ZNF676: variants seen among roughly 807,000 people sequenced by gnomAD.
ZNF676 encodes zinc finger protein 676.
ZNF676 carries 4 observed loss-of-function variants against 6.0 expected under a neutral mutation model. The observed-to-expected ratio is 0.67, with a 90% CI of 0.33 to 1.53. The LOEUF (loss-of-function observed/expected upper bound fraction) is 1.53. ZNF676 is among the 40% of genes most tolerant of loss of function. The probability of loss-of-function intolerance (pLI) is 0.06; values close to 1 mark genes in which losing one functional copy is unlikely to be tolerated. For synonymous variants in ZNF676, 198 were observed against 223.1 expected (o/e 0.89, Z 1.00); for missense variants, 644 against 679.7 (o/e 0.95, Z 0.58).
At chr19:22,217,123 A>G (rs2024200170), upstream of ZNF676, among the ~76,000 whole-genome samples, 1 of 152,012 alleles carries the variant, frequency 6.6e-6, no homozygotes, top group African/African-American at 2.4e-5. Context: ...ACTCTACCCA[A>G]TGTGTAGTCT....
At chr19:22,242,144 G>C in the ZNF676 span, among the ~76,000 whole-genome samples, 1 of 151,926 alleles carries the variant, frequency 6.6e-6, no homozygotes, top group Admixed American at 6.5e-5. Flanking sequence ...TGGTATGAGA[G>C]TTATTATTGC....
chr19:22,202,450 G>A (rs1223388350), intron 1 of ZNF676, among the ~76,000 whole-genome samples: 1 of 152,138 alleles, frequency 6.6e-6, no homozygotes, highest in Non-Finnish European at 1.5e-5. Context: ...GAATGGACTG[G>A]AAGCCTGAGT....
At chr19:22,215,960 C>T (rs1377386416), upstream of ZNF676, among the ~76,000 whole-genome samples, 6 of 152,210 alleles carry the variant, frequency 3.9e-5, no homozygotes, top group Non-Finnish European at 8.8e-5. Context: ...CCTTTTCAGG[C>T]AGGGCTTCCT....
chr19:22,246,023 C>T, the ZNF676 span, among the ~76,000 whole-genome samples: 1,101 of 152,226 alleles, frequency 7.2e-3, 8 homozygotes, highest in Non-Finnish European at 0.013. Flanking sequence ...CTCAGCCATA[C>T]GTCACAGTAC....
chr19:22,218,154 A>G (rs201281747), upstream of ZNF676, among the ~76,000 whole-genome samples: 5 of 151,934 alleles, frequency 3.3e-5, no homozygotes, highest in East Asian at 7.8e-4. Context: ...TTTAAGTCCC[A>G]TCTGTCTTTG....
At chr19:22,183,970 G>T (rs2023796386) in intron 2 of ZNF676, among the ~76,000 whole-genome samples, 1 of 152,170 alleles carries the variant, frequency 6.6e-6, no homozygotes, top group South Asian at 2.1e-4. Context: ...AGCAAATATT[G>T]ATAGAATAGA....
chr19:22,197,103 A>T (rs1469241099), upstream of ZNF676, among the ~76,000 whole-genome samples: 1 of 152,046 alleles, frequency 6.6e-6, no homozygotes, highest in East Asian at 1.9e-4. Context: ...TGGGCAGATC[A>T]CCTGAGGTTG....
rs542546093 is a variant in ZNF676 at position 22,215,523 on chromosome 19, G to A, written c.3+109C>T. 1.4e-4 allele frequency: 190 copies of A among 1,331,312 alleles called. 1 individual carries two copies. The South Asian group carries it at 2.1e-3, about 15-fold the overall frequency. 82.5% of individuals were successfully genotyped at this position (1,331,312 alleles called of 1,614,324 possible). ...GGACTGAGGTCGAGCTAGGCAAGGA[G>A]AACTTGTGGAGCTGACTGCGGGTAG... On this transcript the variant is annotated intron_variant, in intron 1 of 3. Coordinates refer to the ZNF676 transcript ENST00000650058.
chr19:22,226,554 T>TTTTA, the ZNF676 span, among the ~76,000 whole-genome samples: 7 of 151,034 alleles, frequency 4.6e-5, no homozygotes, highest in African/African-American at 1.7e-4. Context: ...TTTATTTTTA[T>TTTTA]TTTATTTATT....
chr19:22,215,739 C>T, exon 1 of ZNF676: 7 of 1,429,448 alleles, frequency 4.9e-6, no homozygotes, highest in Non-Finnish European at 6.7e-6. Flanking sequence ...AGGACAAGGC[C>T]TTTACCTCCG....
the ZNF676 span, among the ~76,000 whole-genome samples, chr19:22,249,556 G>A: frequency 1.3e-5 from 2 of 152,062 alleles, no homozygotes; most frequent in South Asian, 4.1e-4. Flanking sequence ...GGGATTACAG[G>A]CATGTGCCAC....
At chr19:22,221,089 T>C in the ZNF676 span, among the ~76,000 whole-genome samples, 25 of 152,080 alleles carry the variant, frequency 1.6e-4, no homozygotes, top group Non-Finnish European at 2.1e-4. Flanking sequence ...CTGATCTTTG[T>C]TATTATTTTT....
chr19:22,189,551 A>G (rs376279961), intron 2 of ZNF676, among the ~76,000 whole-genome samples: 4 of 152,310 alleles, frequency 2.6e-5, no homozygotes, highest in African/African-American at 9.6e-5. Context: ...GCTTCTACAC[A>G]GCAAAAGAAA....
intron 2 of ZNF676, among the ~76,000 whole-genome samples, chr19:22,188,135 C>T (rs1311003738): frequency 6.6e-6 from 1 of 152,090 alleles, no homozygotes; most frequent in Admixed American, 6.6e-5. Flanking sequence ...TAAACCGAAT[C>T]CAGCAGCACA....
At chr19:22,257,618 T>C in the ZNF676 span, among the ~76,000 whole-genome samples, 2 of 151,972 alleles carry the variant, frequency 1.3e-5, no homozygotes, top group African/African-American at 2.4e-5. Context: ...CATGTCACAA[T>C]AGCAATGTAT....
At chr19:22,253,324 C>T in the ZNF676 span, among the ~76,000 whole-genome samples, 1 of 147,608 alleles carries the variant, frequency 6.8e-6, no homozygotes, top group African/African-American at 2.5e-5. Context: ...CCCTTTGTAT[C>T]ACCTGAGGGA....
chr19:22,184,826 GAAAA>G (rs144833243), intron 2 of ZNF676, among the ~76,000 whole-genome samples: 18,723 of 51,580 alleles, frequency 0.36, 2,194 homozygotes, highest in South Asian at 0.49. Context: ...GGGCATCTTT[GAAAA>G]AAAAAAAAAA....
At position 22,179,680 on chromosome 19, in the gene ZNF676, TTA is replaced by T; in HGVS notation, c.*268_*269del. On this transcript the variant is annotated 3_prime_UTR_variant, in exon 3 of 3. Transcript: ENST00000397121. ...AAGGTGTGAGGAACAGTTGAAGTCTTTATCACATTCTTCGCATTTGTAGGGTT... is the reference window on the plus strand; with the variant it reads ...AAGGTGTGAGGAACAGTTGAAGTCTTTCACATTCTTCGCATTTGTAGGGTT... 1 of 677,978 alleles carries T rather than the reference TTA, an allele frequency of 1.5e-6. No individual in the cohort carries two copies. Among genetic ancestry groups the T allele is most frequent in the Non-Finnish European group, 2.7e-6 (1 of 371,382 alleles). 42.0% of individuals were successfully genotyped at this position (677,978 alleles called of 1,614,324 possible).
the ZNF676 span, among the ~76,000 whole-genome samples, chr19:22,241,345 A>T: frequency 1.3e-5 from 2 of 151,946 alleles, no homozygotes; most frequent in African/African-American, 4.9e-5. Flanking sequence ...GGATTTGTAC[A>T]CAAAAGACCC....
Sources: gnomAD v4.1 joint callset for allele counts (sites outside exome capture counted in the v4.1 genomes callset) on GRCh38, gnomAD v4.1.1 for gene constraint, MANE v1.5 for transcripts, NCBI Gene and HGNC (gene_info 2026-07-23, HGNC 2026-07-21) for gene names.